GMDS: variants seen among roughly 807,000 people sequenced by gnomAD.
GMDS encodes GDP-mannose 4,6 dehydratase.
In GMDS, 20 loss-of-function variants were observed where a neutral mutation model predicts 49.9. The observed-to-expected ratio is 0.40, with a 90% CI of 0.28 to 0.58. The LOEUF (loss-of-function observed/expected upper bound fraction) is 0.58, where lower values mean the gene tolerates loss of function less well. GMDS is among the 20% of genes least tolerant of loss of function. The pLI, the probability that GMDS is intolerant of heterozygous loss-of-function variation, is 0.42. For synonymous variants in GMDS, 177 were observed against 178.6 expected, an observed-to-expected ratio of 0.99 and a Z score of 0.07; for missense variants, 362 against 481.4, an observed-to-expected ratio of 0.75 and a Z score of 2.32.
chr6:1,744,783 C>T (rs1767414906), intron 7 of GMDS, among the ~76,000 whole-genome samples: 2 of 152,258 alleles, frequency 1.3e-5, no homozygotes, highest in Non-Finnish European at 2.9e-5. Flanking sequence ...CCTGTCTCCT[C>T]ATCTGTCTGG....
intron 4 of GMDS, among the ~76,000 whole-genome samples, chr6:1,961,450 A>G (rs927540919): frequency 1.8e-4 from 27 of 152,374 alleles, no homozygotes; most frequent in African/African-American, 5.3e-4. Flanking sequence ...TTCTAAAGGT[A>G]CAATAATAAA....
intron 7 of GMDS, among the ~76,000 whole-genome samples, chr6:1,900,159 T>A (rs781363495): frequency 6.6e-6 from 1 of 152,224 alleles, no homozygotes; most frequent in South Asian, 2.1e-4. Context: ...GTCAGAGGCA[T>A]CGCTCTGGAG....
intron 7 of GMDS, among the ~76,000 whole-genome samples, chr6:1,846,730 G>C (rs1426763398): frequency 6.6e-6 from 1 of 152,246 alleles, no homozygotes; most frequent in Non-Finnish European, 1.5e-5. Flanking sequence ...GGAACACTCA[G>C]TGACAGTGAG....
At chr6:1,759,084 G>A (rs1343440226) in intron 7 of GMDS, among the ~76,000 whole-genome samples, 1 of 152,024 alleles carries the variant, frequency 6.6e-6, no homozygotes, top group Non-Finnish European at 1.5e-5. Context: ...CACCACGCCC[G>A]GCTAATTTTT....
intron 6 of GMDS, among the ~76,000 whole-genome samples, chr6:1,950,015 G>A (rs747989109): frequency 4.6e-5 from 7 of 152,134 alleles, no homozygotes; most frequent in African/African-American, 1.4e-4. Context: ...CTTCTACAGT[G>A]CATGATTTGA....
At chr6:1,976,103 CA>C (rs1764883787) in intron 4 of GMDS, among the ~76,000 whole-genome samples, 1 of 152,124 alleles carries the variant, frequency 6.6e-6, no homozygotes, top group Non-Finnish European at 1.5e-5. Flanking sequence ...GGAAGTAGTA[CA>C]ATGATTTAGG....
At position 1,918,744 on chromosome 6, in the gene GMDS, C is replaced by T. The variant is rs116001079; in HGVS notation, c.771+11359G>A. On this transcript the variant is annotated intron_variant, in intron 7 of 10. Coordinates refer to ENST00000380815, the MANE Select transcript of GMDS (RefSeq NM_001500.4). ...AGTATGGGTGACAGAGTGAGACCTA[C>T]CTCAAAATAAATAAGTAAATCAAAA... Among the ~76,000 whole-genome samples the T allele has an allele frequency of 5.6e-3, 851 of 152,088 alleles. 10 individuals carry two copies. The highest frequency in any genetic ancestry group is 0.019 in the African/African-American group (805 of 41,460).
chr6:1,881,321 A>G (rs1759352183), intron 7 of GMDS, among the ~76,000 whole-genome samples: 3 of 152,222 alleles, frequency 2.0e-5, no homozygotes, highest in African/African-American at 4.8e-5. Context: ...ATTTCACACT[A>G]TATTTTAACC....
Position 2,009,943 on chromosome 6 carries a change from T to G in GMDS, c.346-48977A>C, listed in dbSNP as rs747358503. 2.0e-5 allele frequency among the ~76,000 whole-genome samples: 3 copies of G among 152,172 alleles called. No homozygotes were observed. The South Asian group carries it at 6.2e-4, about 32-fold the overall frequency. Reference sequence around the variant, plus strand: ...ACAAGAAAAATACTTGAAGATATAATGGCTGAAAACTGTCATAAATTGATA... The same window carrying G: ...ACAAGAAAAATACTTGAAGATATAAGGGCTGAAAACTGTCATAAATTGATA... On this transcript the variant is annotated intron_variant, in intron 4 of 10. Transcript: ENST00000380815.
chr6:2,050,856 C>T (rs1411992494), intron 4 of GMDS, among the ~76,000 whole-genome samples: 1 of 152,016 alleles, frequency 6.6e-6, no homozygotes, highest in Non-Finnish European at 1.5e-5. Context: ...TATCAATAAA[C>T]TAGGTATTGA....
intron 1 of GMDS, among the ~76,000 whole-genome samples, chr6:2,194,171 G>A (rs1779180604): frequency 6.6e-6 from 1 of 152,208 alleles, no homozygotes; most frequent in African/African-American, 2.4e-5. Flanking sequence ...GACTGTGTGT[G>A]TGTGTGAGGG....
intron 9 of GMDS, among the ~76,000 whole-genome samples, chr6:1,698,899 G>A (rs1581474666): frequency 6.6e-6 from 1 of 150,428 alleles, no homozygotes; most frequent in South Asian, 2.1e-4. Context: ...GAATTCCAAC[G>A]ATATTGTGAA....
chr6:2,004,155 T>C (rs1048926435), intron 4 of GMDS, among the ~76,000 whole-genome samples: 30 of 152,360 alleles, frequency 2.0e-4, no homozygotes, highest in African/African-American at 6.3e-4. Flanking sequence ...TTTTAGAGTA[T>C]GTTCATTGCC....
chr6:1,747,496 A>G (rs1253847408), intron 7 of GMDS, among the ~76,000 whole-genome samples: 1 of 145,778 alleles, frequency 6.9e-6, no homozygotes. Flanking sequence ...GCGCGCACAC[A>G]CACACACACA....
At position 1,703,023 on chromosome 6, in the gene GMDS, AAC is replaced by A. The variant is rs938077111; in HGVS notation, c.987+23391_987+23392del. On this transcript the variant is annotated intron_variant, in intron 9 of 10. Coordinates refer to ENST00000380815, the MANE Select transcript of GMDS (RefSeq NM_001500.4). ...AGAGATGAGTTGAAGTGCTGAACAA[AAC>A]ACACGCCCTGAGCTACAGCTGCAGT... 4.6e-5 allele frequency among the ~76,000 whole-genome samples: 7 copies of A among 152,156 alleles called. No homozygotes were observed. In the South Asian group the frequency reaches 1.2e-3, roughly 27 times the overall value.
chr6:1,961,494 T>C (rs372110728), intron 4 of GMDS, among the ~76,000 whole-genome samples: 6 of 152,356 alleles, frequency 3.9e-5, no homozygotes, highest in African/African-American at 1.4e-4. Context: ...ATAATCTTTT[T>C]TTAATTTGAG....
At chr6:1,676,879 C>A (rs1216328764) in intron 9 of GMDS, among the ~76,000 whole-genome samples, 1 of 152,128 alleles carries the variant, frequency 6.6e-6, no homozygotes, top group Non-Finnish European at 1.5e-5. Flanking sequence ...TGGGCAAGGA[C>A]TTCATGACTA....
chr6:2,016,100 A>AAC (rs1382488330), intron 4 of GMDS, among the ~76,000 whole-genome samples: 1 of 150,612 alleles, frequency 6.6e-6, no homozygotes. Context: ...AAAAAAAAAA[A>AAC]ACAGAAAAAT....
At chr6:1,680,183 G>A (rs1422099161) in intron 9 of GMDS, among the ~76,000 whole-genome samples, 5 of 152,182 alleles carry the variant, frequency 3.3e-5, no homozygotes, top group Non-Finnish European at 7.4e-5. Context: ...TAGGCATCCA[G>A]ATATTCAAAG....
Sources: allele counts gnomAD v4.1 joint callset (sites outside exome capture counted in the v4.1 genomes callset), GRCh38; gene constraint gnomAD v4.1.1; transcripts MANE v1.5; gene names NCBI Gene and HGNC (gene_info 2026-07-23, HGNC 2026-07-21).